The following KRABD4 variants were observed in gnomAD, a reference collection of about 807,000 sequenced individuals.
KRABD4 encodes the protein KRAB domain containing 4, also known as KRAB domain-containing protein 4.
At chrX:46,455,576 T>C in the KRABD4 span, 1 of 429,422 alleles carries the variant, frequency 2.3e-6, no homozygotes, top group Non-Finnish European at 4.3e-6. Flanking sequence ...TTAATTTCTG[T>C]TCTAGGATTT....
the KRABD4 span, chrX:46,447,312 A>G: frequency 9.0e-6 from 1 of 110,575 alleles, no homozygotes; most frequent in African/African-American, 3.3e-5. Context: ...GGCTGTTGTC[A>G]GCGGCCTCTG....
chrX:46,463,491 T>C, the KRABD4 span: 3 of 498,873 alleles, frequency 6.0e-6, no homozygotes, highest in East Asian at 3.6e-5. Context: ...GTGTTCTTTG[T>C]TTGGCATTCA....
chrX:46,450,580 G>C, the KRABD4 span: 1 of 732,795 alleles, frequency 1.4e-6, no homozygotes, highest in Non-Finnish European at 2.1e-6. Flanking sequence ...TTCTCTGGCT[G>C]TTTTCTATTC....
Sources: allele counts gnomAD v4.1 joint callset, GRCh38; gene constraint gnomAD v4.1.1; transcripts MANE v1.5; gene names NCBI Gene and HGNC (gene_info 2026-07-23, HGNC 2026-07-21).